Variants in SPAG16 observed in about 807,000 individuals in gnomAD.
SPAG16 encodes the protein sperm associated antigen 16, also known as sperm-associated antigen 16 protein.
A neutral mutation model predicts 80.4 loss-of-function variants in SPAG16; 86 were observed. The ratio of observed to expected loss-of-function variants is 1.07; its 90% CI spans 0.90 to 1.28. SPAG16 has a LOEUF of 1.28. Among genes scored for constraint, SPAG16 ranks in the 50% most tolerant of loss-of-function variants. The probability of loss-of-function intolerance (pLI) is 0.00; values close to 1 mark genes in which losing one functional copy is unlikely to be tolerated. For synonymous variants in SPAG16, 294 were observed against 265.9 expected (o/e 1.11, Z -1.03); for missense variants, 870 against 765.3 (o/e 1.14, Z -1.61).
chr2:213,717,878 C>G (rs1258597735), intron 10 of SPAG16, among the ~76,000 whole-genome samples: 2 of 151,698 alleles, frequency 1.3e-5, no homozygotes, highest in Non-Finnish European at 2.9e-5. Context: ...AACATAAGAC[C>G]CAAAACCATA....
intron 10 of SPAG16, among the ~76,000 whole-genome samples, chr2:213,686,674 CTTTTTTTTTTTTTTTTTTTTT>C (rs748200040): frequency 1.2e-5 from 1 of 86,104 alleles, no homozygotes; most frequent in Non-Finnish European, 2.4e-5. Flanking sequence ...ATTAATCCAC[CTTTTTTTTTTTTTTTTTTTTT>C]TTTTTTTTTG....
chr2:213,516,426 G>T (rs1344309398), intron 10 of SPAG16, among the ~76,000 whole-genome samples: 1 of 151,936 alleles, frequency 6.6e-6, no homozygotes, highest in Non-Finnish European at 1.5e-5. Flanking sequence ...ACTTATCTTA[G>T]TGCTTCTTTA....
At chr2:214,264,947 A>G (rs1263527460) in intron 15 of SPAG16, among the ~76,000 whole-genome samples, 1 of 152,038 alleles carries the variant, frequency 6.6e-6, no homozygotes, top group Non-Finnish European at 1.5e-5. Flanking sequence ...ATGTCTCTTC[A>G]TGGTTTGATA....
intron 10 of SPAG16, among the ~76,000 whole-genome samples, chr2:213,509,197 C>T (rs1368446717): frequency 1.3e-5 from 2 of 152,074 alleles, no homozygotes; most frequent in East Asian, 3.9e-4. Context: ...GGGGTTTCAC[C>T]ATCTTGGTCA....
chr2:214,138,108 T>A (rs2055157389), intron 14 of SPAG16, among the ~76,000 whole-genome samples: 1 of 152,066 alleles, frequency 6.6e-6, no homozygotes, highest in Non-Finnish European at 1.5e-5. Flanking sequence ...GCACACAAGT[T>A]TTATTAATTT....
chr2:214,152,791 G>T (rs545822846), intron 15 of SPAG16, among the ~76,000 whole-genome samples: 43 of 152,304 alleles, frequency 2.8e-4, no homozygotes, highest in African/African-American at 1.0e-3. Flanking sequence ...GTGTCCACTG[G>T]ACAGGGGGCC....
chr2:213,368,566 G>A (rs1430993564), intron 8 of SPAG16, among the ~76,000 whole-genome samples: 6 of 152,126 alleles, frequency 3.9e-5, no homozygotes, highest in African/African-American at 1.2e-4. Flanking sequence ...TCTGGCCAGG[G>A]CAATTAGTCA....
intron 15 of SPAG16, among the ~76,000 whole-genome samples, chr2:214,215,260 A>G (rs1304949228): frequency 2.0e-5 from 3 of 152,038 alleles, no homozygotes; most frequent in Non-Finnish European, 4.4e-5. Flanking sequence ...GATCAGCTGG[A>G]ACAAAATGAC....
intron 9 of SPAG16, among the ~76,000 whole-genome samples, chr2:213,393,339 A>G (rs1311188151): frequency 6.6e-6 from 1 of 151,554 alleles, no homozygotes; most frequent in African/African-American, 2.4e-5. Context: ...ATAATATTCA[A>G]TTAATGTTTT....
intron 10 of SPAG16, among the ~76,000 whole-genome samples, chr2:213,644,522 G>T (rs2062746922): frequency 6.6e-6 from 1 of 152,164 alleles, no homozygotes; most frequent in African/African-American, 2.4e-5. Context: ...GGAAGGATTG[G>T]GTATTGTGAT....
chr2:214,226,665 C>G (rs1464982695), intron 15 of SPAG16, among the ~76,000 whole-genome samples: 3 of 151,984 alleles, frequency 2.0e-5, no homozygotes, highest in Non-Finnish European at 4.4e-5. Context: ...AATACTCCCC[C>G]CAAAGCTTAC....
intron 10 of SPAG16, among the ~76,000 whole-genome samples, chr2:213,718,293 A>G (rs1265806962): frequency 6.6e-6 from 1 of 151,924 alleles, no homozygotes; most frequent in Non-Finnish European, 1.5e-5. Context: ...GCAAACCAAA[A>G]CCACAATGAG....
intron 7 of SPAG16, among the ~76,000 whole-genome samples, chr2:213,358,068 A>T (rs935775150): frequency 6.6e-6 from 1 of 152,106 alleles, no homozygotes; most frequent in African/African-American, 2.4e-5. Flanking sequence ...TTCCTTTAAG[A>T]GTGTCGAATA....
At chr2:214,209,783 T>A (rs1254063035) in intron 15 of SPAG16, among the ~76,000 whole-genome samples, 1 of 152,154 alleles carries the variant, frequency 6.6e-6, no homozygotes, top group Non-Finnish European at 1.5e-5. Flanking sequence ...TTAAGCCTAT[T>A]TAACCTGCAA....
chr2:213,473,393 G>C (rs533023817), intron 9 of SPAG16, among the ~76,000 whole-genome samples: 2 of 152,150 alleles, frequency 1.3e-5, no homozygotes, highest in Non-Finnish European at 2.9e-5. Flanking sequence ...ACAGAGAAGA[G>C]CAATTACAGG....
intron 4 of SPAG16, among the ~76,000 whole-genome samples, chr2:213,310,813 G>T (rs2063157105): frequency 6.6e-6 from 1 of 151,648 alleles, no homozygotes; most frequent in Non-Finnish European, 1.5e-5. Flanking sequence ...CATATTTTCA[G>T]TTTCCTGACA....
intron 9 of SPAG16, among the ~76,000 whole-genome samples, chr2:213,395,840 T>A (rs1294253582): frequency 6.6e-6 from 1 of 152,230 alleles, no homozygotes; most frequent in Non-Finnish European, 1.5e-5. Context: ...TGCTTTACAA[T>A]TTTAAATATT....
intron 15 of SPAG16, among the ~76,000 whole-genome samples, chr2:214,395,365 C>T (rs1701307680): frequency 6.6e-6 from 1 of 152,156 alleles, no homozygotes; most frequent in Non-Finnish European, 1.5e-5. Flanking sequence ...TTCTCACCAG[C>T]ATTTGGTGTT....
intron 15 of SPAG16, among the ~76,000 whole-genome samples, chr2:214,372,349 A>C (rs1176066299): frequency 6.6e-6 from 1 of 152,236 alleles, no homozygotes; most frequent in African/African-American, 2.4e-5. Flanking sequence ...TGCCAGTGTA[A>C]GAAACAAGTC....
Sources: allele counts gnomAD v4.1 joint callset (sites outside exome capture counted in the v4.1 genomes callset), GRCh38; gene constraint gnomAD v4.1.1; transcripts MANE v1.5; gene names NCBI Gene and HGNC (gene_info 2026-07-23, HGNC 2026-07-21).